The following STUM variants were observed in gnomAD, a reference collection of about 807,000 sequenced individuals.
STUM encodes stum, mechanosensory transduction mediator homolog, also known as protein stum homolog.
Under a neutral mutation model 15.3 loss-of-function variants are expected in STUM, and 8 were observed. The ratio of observed to expected loss-of-function variants is 0.52; its 90% CI spans 0.31 to 0.94. The LOEUF is 0.94. Among genes scored for constraint, STUM ranks in the 40% least tolerant of loss-of-function variants. The probability of loss-of-function intolerance (pLI) is 0.05; values close to 1 mark genes in which losing one functional copy is unlikely to be tolerated. For missense variants in STUM, 142 were observed against 204.9 expected, an observed-to-expected ratio of 0.69 and a Z score of 1.87; for synonymous variants, 78 against 88.7, an observed-to-expected ratio of 0.88 and a Z score of 0.68.
In STUM at chr1:226,596,787, T is replaced by C. The variant is rs1294722441; in HGVS notation, c.203-15T>C. On this transcript the variant is annotated splice_polypyrimidine_tract_variant and intron_variant, in intron 1 of 3. Transcript: ENST00000366788. ...CCAGTGCCCTCAGAAGGCTGTCCCCTCTGGCCTCTCACAGGGACATTCGTC... is the reference window on the plus strand; with the variant it reads ...CCAGTGCCCTCAGAAGGCTGTCCCCCCTGGCCTCTCACAGGGACATTCGTC... 2 of 1,605,218 alleles carry C rather than the reference T, an allele frequency of 1.2e-6. No homozygotes were observed. Among genetic ancestry groups the C allele is most frequent in the South Asian group, 2.2e-5 (2 of 90,882 alleles).
In STUM at chr1:226,560,913, C is replaced by G. The variant is rs1220847276; in HGVS notation, c.202+11807C>G. ...ATTCCACATTGGACCCACGAGGGTC[C>G]AGCGAGCTTTACCCATTCTTTCCCT... On this transcript the variant is annotated intron_variant, in intron 1 of 3. Transcript: ENST00000366788. Among the ~76,000 whole-genome samples, 5 of 152,208 alleles carry G rather than the reference C, an allele frequency of 3.3e-5. No individual in the cohort carries two copies. The East Asian group carries it at 9.6e-4, about 29-fold the overall frequency.
intron 1 of STUM, among the ~76,000 whole-genome samples, chr1:226,577,668 G>A (rs918924250): frequency 2.0e-5 from 3 of 152,198 alleles, no homozygotes; most frequent in African/African-American, 7.2e-5. Flanking sequence ...CTTCATGGGA[G>A]TAAGGGCAAC....
intron 1 of STUM, among the ~76,000 whole-genome samples, chr1:226,559,923 G>A (rs1243607859): frequency 1.3e-5 from 2 of 149,422 alleles, no homozygotes; most frequent in African/African-American, 2.5e-5. Flanking sequence ...GCAGTGAGCC[G>A]AGATTGCACC....
At chr1:226,571,815 T>C (rs1274273191) in intron 1 of STUM, among the ~76,000 whole-genome samples, 1 of 152,126 alleles carries the variant, frequency 6.6e-6, no homozygotes, top group Non-Finnish European at 1.5e-5. Flanking sequence ...AATTTTTGTA[T>C]TTTTAGTAGA....
intron 1 of STUM, among the ~76,000 whole-genome samples, chr1:226,553,889 A>G (rs1460167586): frequency 6.6e-6 from 1 of 152,250 alleles, no homozygotes; most frequent in East Asian, 1.9e-4. Flanking sequence ...TGGCTTGACA[A>G]CATAAAAGAA....
At chr1:226,577,708 C>T (rs1200250219) in intron 1 of STUM, among the ~76,000 whole-genome samples, 1 of 152,198 alleles carries the variant, frequency 6.6e-6, no homozygotes, top group Non-Finnish European at 1.5e-5. Flanking sequence ...GCAGCAGCCG[C>T]TCTTACTGTG....
intron 1 of STUM, among the ~76,000 whole-genome samples, chr1:226,588,337 GTCT>G (rs1668030622): frequency 1.3e-5 from 2 of 152,330 alleles, no homozygotes; most frequent in South Asian, 2.1e-4. Flanking sequence ...ACCTAGTGTG[GTCT>G]TCTTGTGCTC....
At chr1:226,570,809 G>A (rs932789495) in intron 1 of STUM, among the ~76,000 whole-genome samples, 23 of 152,152 alleles carry the variant, frequency 1.5e-4, no homozygotes, top group Admixed American at 6.5e-4. Context: ...ACCCTTTAGC[G>A]TTCTGATGAA....
chr1:226,570,004 T>G (rs1401381449), intron 1 of STUM, among the ~76,000 whole-genome samples: 1 of 152,068 alleles, frequency 6.6e-6, no homozygotes, highest in African/African-American at 2.4e-5. Flanking sequence ...TCCCTCAGGG[T>G]GACTGCCACA....
intron 1 of STUM, among the ~76,000 whole-genome samples, chr1:226,569,310 A>G (rs541356828): frequency 5.3e-5 from 8 of 152,216 alleles, no homozygotes; most frequent in African/African-American, 1.9e-4. Flanking sequence ...TTATCCTTAG[A>G]ATTTGTGCTG....
At chr1:226,551,198 G>A (rs1667371261) in intron 1 of STUM, among the ~76,000 whole-genome samples, 1 of 152,130 alleles carries the variant, frequency 6.6e-6, no homozygotes, top group Non-Finnish European at 1.5e-5. Context: ...CTGTAAGTCA[G>A]GCACACCTGT....
rs372315014 is a variant in STUM, at chr1:226,567,252, G to C, written c.202+18146G>C. ...TTCAAAAAGCCTTTGAAGACTGTCC[G>C]TCCTGGAGCTATCCAACGGGTGGTG... On this transcript the variant is annotated intron_variant, in intron 1 of 3. Transcript: ENST00000366788. The surrounding 1 kb of genome is among the most constrained non-coding windows in gnomAD (Gnocchi z 4.5). 6.6e-6 allele frequency among the ~76,000 whole-genome samples: 1 copy of C among 152,186 alleles called. No individual in the cohort carries two copies. Among genetic ancestry groups the C allele is most frequent in the Non-Finnish European group, 1.5e-5 (1 of 68,038 alleles).
chr1:226,564,943 C>G (rs1432136977), intron 1 of STUM, among the ~76,000 whole-genome samples: 1 of 152,174 alleles, frequency 6.6e-6, no homozygotes, highest in Admixed American at 6.5e-5. Context: ...GCCAGTGGCT[C>G]CCACTCCCCT....
At chr1:226,599,608 A>G (rs771907552) in intron 2 of STUM, among the ~76,000 whole-genome samples, 1 of 152,256 alleles carries the variant, frequency 6.6e-6, no homozygotes, top group Non-Finnish European at 1.5e-5. Context: ...TCATCAGCAA[A>G]CACACTATCA....
chr1:226,599,565 A>C (rs574219474), intron 2 of STUM, among the ~76,000 whole-genome samples: 3 of 152,234 alleles, frequency 2.0e-5, no homozygotes, highest in African/African-American at 7.2e-5. Flanking sequence ...GTAACAGTAC[A>C]CTTTGGCTTT....
At chr1:226,569,993 G>C (rs1170785706) in intron 1 of STUM, among the ~76,000 whole-genome samples, 2 of 152,150 alleles carry the variant, frequency 1.3e-5, no homozygotes, top group South Asian at 4.2e-4. Flanking sequence ...CAGCTCACTG[G>C]TCCCTCAGGG....
intron 1 of STUM, among the ~76,000 whole-genome samples, chr1:226,592,279 C>T (rs1668102947): frequency 6.6e-6 from 1 of 152,238 alleles, no homozygotes; most frequent in Admixed American, 6.5e-5. Context: ...AGCTCCTGAC[C>T]TCAGGTGATC....
Position 226,609,102 on chromosome 1 carries a change from T to A in STUM, c.*7062T>A, listed in dbSNP as rs1279900766. 6.6e-6 allele frequency: 1 copy of A among 152,222 alleles called. No individual in the cohort carries two copies. Among genetic ancestry groups the A allele is most frequent in the Non-Finnish European group, 1.5e-5 (1 of 68,040 alleles). 9.4% of individuals were successfully genotyped at this position (152,222 alleles called of 1,614,324 possible). A position where few individuals can be genotyped will look rare whatever the true frequency, so the allele number is the denominator to read the frequency against. ...TATTATAAATATATAAAGCATGACA[T>A]CTCTTTGGCATTCCAAGTTTGTGTT... On this transcript the variant is annotated 3_prime_UTR_variant, in exon 4 of 4. Coordinates refer to ENST00000366788, the MANE Select transcript of STUM (RefSeq NM_001003665.4).
chr1:226,554,998 T>C (rs1667423553), intron 1 of STUM, among the ~76,000 whole-genome samples: 2 of 152,154 alleles, frequency 1.3e-5, no homozygotes, highest in South Asian at 4.1e-4. Context: ...TTCTCTGTCT[T>C]CCTCTTCCTG....
Sources: gnomAD v4.1 joint callset for allele counts (sites outside exome capture counted in the v4.1 genomes callset) on GRCh38, gnomAD v4.1.1 for gene constraint, Gnocchi (gnomAD v3.1) non-coding constraint, MANE v1.5 for transcripts, NCBI Gene and HGNC (gene_info 2026-07-23, HGNC 2026-07-21) for gene names.